Variants in ARHGEF4 observed in about 807,000 individuals in gnomAD.
ARHGEF4 encodes the protein Rho guanine nucleotide exchange factor 4.
Under a neutral mutation model 162.0 loss-of-function variants are expected in ARHGEF4, and 119 were observed. The observed-to-expected ratio is 0.73, with a 90% CI of 0.63 to 0.86. ARHGEF4 has a LOEUF of 0.86. Ranked by LOEUF, ARHGEF4 falls within the 40% of genes least tolerant of loss-of-function variation. The probability of loss-of-function intolerance (pLI) is 0.00; values close to 1 mark genes in which losing one functional copy is unlikely to be tolerated. For synonymous variants in ARHGEF4, 1,014 were observed against 979.9 expected (o/e 1.03, Z -0.65); for missense variants, 2,488 against 2,456.0 (o/e 1.01, Z -0.28).
chr2:131,024,597 T>A (rs1323050008), intron 4 of ARHGEF4, among the ~76,000 whole-genome samples: 1 of 152,156 alleles, frequency 6.6e-6, no homozygotes, highest in Non-Finnish European at 1.5e-5. Flanking sequence ...TTTAAGACCC[T>A]AGGGGAGAAG....
intron 1 of ARHGEF4, among the ~76,000 whole-genome samples, chr2:130,879,289 T>C (rs558668508): frequency 2.0e-5 from 3 of 152,232 alleles, no homozygotes; most frequent in Non-Finnish European, 4.4e-5. Context: ...ATGTCTCTTT[T>C]ACAGGAGATT....
intron 1 of ARHGEF4, among the ~76,000 whole-genome samples, chr2:130,902,296 G>A (rs991012238): frequency 4.7e-5 from 7 of 150,476 alleles, no homozygotes; most frequent in Non-Finnish European, 7.4e-5. Flanking sequence ...CGGGTTCTCT[G>A]GTTCCCAGGC....
intron 1 of ARHGEF4, among the ~76,000 whole-genome samples, chr2:130,894,642 C>CT (rs1481159187): frequency 6.7e-6 from 1 of 150,032 alleles, no homozygotes; most frequent in Non-Finnish European, 1.5e-5. Flanking sequence ...TGCCTTTCTA[C>CT]TTTTTTAAAA....
chr2:130,841,278 C>G (rs983107318), intron 1 of ARHGEF4, among the ~76,000 whole-genome samples: 2 of 151,692 alleles, frequency 1.3e-5, no homozygotes, highest in African/African-American at 2.4e-5. Context: ...GCTGGCCAGG[C>G]TGGTCTCGAA....
intron 4 of ARHGEF4, among the ~76,000 whole-genome samples, chr2:130,992,335 T>A (rs1687066539): frequency 6.6e-6 from 1 of 151,492 alleles, no homozygotes; most frequent in South Asian, 2.1e-4. Flanking sequence ...CTCTTTGCAA[T>A]AAATCTTGCT....
intron 4 of ARHGEF4, among the ~76,000 whole-genome samples, chr2:131,012,613 C>A (rs1688529399): frequency 6.6e-6 from 1 of 152,082 alleles, no homozygotes; most frequent in Non-Finnish European, 1.5e-5. Flanking sequence ...CAGAGCCTTG[C>A]TCTTCTGCCC....
At chr2:131,002,709 CAAAAAAAAAAAAAAAAAAAAAA>C (rs66979991) in intron 4 of ARHGEF4, among the ~76,000 whole-genome samples, 2 of 53,218 alleles carry the variant, frequency 3.8e-5, no homozygotes, top group Non-Finnish European at 6.3e-5. Flanking sequence ...GACTCCGTCT[CAAAAAAAAAAAAAAAAAAAAAA>C]AAAAAAAAAA....
At chr2:131,018,296 C>T (rs76945758) in intron 4 of ARHGEF4, among the ~76,000 whole-genome samples, 4,509 of 152,170 alleles carry the variant, frequency 0.03, 79 homozygotes, top group Middle Eastern at 0.048. Flanking sequence ...ACTGGCATAC[C>T]GCTGTGATTT....
rs763761899 is a variant in ARHGEF4 at position 130,914,036 on chromosome 2, C to T, written c.90C>T (p.Asn30=). The T allele has an allele frequency of 2.8e-5, 43 of 1,536,002 alleles. No homozygotes were observed. Among genetic ancestry groups the T allele is most frequent in the Non-Finnish European group, 3.7e-5 (42 of 1,146,922 alleles). Residue 30 remains asparagine, a synonymous_variant, in exon 2 of 14, where the codon AAC becomes AAT. Coordinates refer to ENST00000409359, the MANE Select transcript of ARHGEF4 (RefSeq NM_001367493.1). ...HLPGEGEIED[N]QLPTSPAEQV... ...CAGGTGAAGGTGAGATTGAAGATAA[C>T]CAGCTCCCCACATCCCCTGCAGAAC...
intron 1 of ARHGEF4, among the ~76,000 whole-genome samples, chr2:130,851,076 G>T (rs767926746): frequency 6.6e-6 from 1 of 152,272 alleles, no homozygotes; most frequent in African/African-American, 2.4e-5. Context: ...CTGTGGGAGC[G>T]CAGGCAGGAC....
intron 3 of ARHGEF4, among the ~76,000 whole-genome samples, chr2:130,939,028 G>A (rs747096064): frequency 6.6e-6 from 1 of 152,126 alleles, no homozygotes; most frequent in African/African-American, 2.4e-5. Context: ...TACTGGATGG[G>A]TAGTTTTTCA....
At chr2:130,874,758 C>G (rs72658772) in intron 1 of ARHGEF4, among the ~76,000 whole-genome samples, 26,352 of 151,872 alleles carry the variant, frequency 0.17, 4,439 homozygotes, top group African/African-American at 0.44. Flanking sequence ...TGGTCATGCC[C>G]TTCTTTCATA....
At chr2:130,838,041 C>A (rs994401674) in intron 1 of ARHGEF4, among the ~76,000 whole-genome samples, 4 of 152,200 alleles carry the variant, frequency 2.6e-5, no homozygotes, top group African/African-American at 9.7e-5. Context: ...GCATCAGCTC[C>A]CACCCCCAGC....
At chr2:131,007,955 G>A (rs1688231744) in intron 4 of ARHGEF4, among the ~76,000 whole-genome samples, 1 of 151,552 alleles carries the variant, frequency 6.6e-6, no homozygotes, top group Non-Finnish European at 1.5e-5. Context: ...TGTGATTACA[G>A]GCACCCACCA....
chr2:131,045,731 G>A, intron 13 of ARHGEF4: 2 of 1,436,826 alleles, frequency 1.4e-6, no homozygotes, highest in South Asian at 1.5e-5. Context: ...GGCATCTGGG[G>A]TTGGTGTAGG....
At chr2:130,877,274 T>C (rs1394262233) in intron 1 of ARHGEF4, among the ~76,000 whole-genome samples, 4 of 152,210 alleles carry the variant, frequency 2.6e-5, no homozygotes, top group Non-Finnish European at 5.9e-5. Flanking sequence ...TCATTTATTT[T>C]AAGATTTATT....
intron 1 of ARHGEF4, among the ~76,000 whole-genome samples, chr2:130,844,256 G>T (rs1680794268): frequency 6.6e-6 from 1 of 152,206 alleles, no homozygotes; most frequent in African/African-American, 2.4e-5. Context: ...TTATAAGGTG[G>T]TGAGGTTTAA....
intron 4 of ARHGEF4, among the ~76,000 whole-genome samples, chr2:131,023,664 C>T (rs774137171): frequency 1.2e-4 from 18 of 152,122 alleles, no homozygotes; most frequent in Non-Finnish European, 2.1e-4. Context: ...GTAATAGGAA[C>T]GTAAAATAGC....
intron 4 of ARHGEF4, among the ~76,000 whole-genome samples, chr2:131,022,520 CT>C (rs764741466): frequency 6.6e-6 from 1 of 151,976 alleles, no homozygotes; most frequent in Non-Finnish European, 1.5e-5. Context: ...CTCATCAAAA[CT>C]TTTGATTTTT....
Sources: allele counts gnomAD v4.1 joint callset (sites outside exome capture counted in the v4.1 genomes callset), GRCh38; gene constraint gnomAD v4.1.1; transcripts MANE v1.5; gene names NCBI Gene and HGNC (gene_info 2026-07-23, HGNC 2026-07-21).